DPY19L2: variants seen among roughly 807,000 people sequenced by gnomAD.
DPY19L2 encodes probable C-mannosyltransferase DPY19L2.
In DPY19L2, 34 loss-of-function variants were observed where a neutral mutation model predicts 97.9. That is an observed-to-expected ratio of 0.35 (90% CI 0.26 to 0.46). DPY19L2 has a LOEUF of 0.46. DPY19L2 is among the 20% of genes least tolerant of loss of function. DPY19L2 has a pLI of 1.00. For missense variants in DPY19L2, 623 were observed against 911.4 expected, an observed-to-expected ratio of 0.68 and a Z score of 4.07; for synonymous variants, 230 against 307.9, an observed-to-expected ratio of 0.75 and a Z score of 2.65.
intron 6 of DPY19L2, among the ~76,000 whole-genome samples, chr12:63,628,766 T>C (rs887759419): frequency 1.1e-4 from 17 of 151,128 alleles, no homozygotes; most frequent in Non-Finnish European, 2.5e-4. Flanking sequence ...ACAGGCTGCC[T>C]GCTCAAGTGG....
intron 4 of DPY19L2, 154 bp downstream of exon 4, chr12:63,661,190 A>C: frequency 1.5e-6 from 1 of 681,734 alleles, no homozygotes; most frequent in South Asian, 4.7e-5. Context: ...AAATTTTAAG[A>C]GAGGAACTTA....
intron 21 of DPY19L2, among the ~76,000 whole-genome samples, chr12:63,564,890 T>C (rs1433521008): frequency 1.3e-5 from 2 of 152,196 alleles, no homozygotes; most frequent in African/African-American, 4.8e-5. Context: ...GTATTTCATA[T>C]TTTTGAAGCT....
At chr12:63,588,835 C>G (rs754655452) in intron 16 of DPY19L2, among the ~76,000 whole-genome samples, 129 of 148,814 alleles carry the variant, frequency 8.7e-4, no homozygotes, top group Non-Finnish European at 1.3e-3. Flanking sequence ...CTCACTGAAA[C>G]CTCCGCCTCC....
chr12:63,630,977 T>C (rs1172534290), intron 6 of DPY19L2, among the ~76,000 whole-genome samples: 1 of 151,898 alleles, frequency 6.6e-6, no homozygotes, highest in Non-Finnish European at 1.5e-5. Context: ...ACCGGGTACA[T>C]AACAAAATGA....
intron 15 of DPY19L2, among the ~76,000 whole-genome samples, chr12:63,595,006 C>T (rs2137514199): frequency 6.6e-6 from 1 of 152,282 alleles, no homozygotes; most frequent in East Asian, 1.9e-4. Flanking sequence ...TTTCCTTTAT[C>T]CTGACTCTTC....
chr12:63,668,549 G>T, upstream of DPY19L2: 1 of 785,888 alleles, frequency 1.3e-6, no homozygotes, highest in Non-Finnish European at 2.0e-6. Flanking sequence ...GAAATGTGGG[G>T]TGGGGCGCAT....
At position 63,668,400 on chromosome 12, in the gene DPY19L2, G is replaced by T. The variant is rs751378390; in HGVS notation, c.-7C>A. 3 of 1,594,376 alleles carry T rather than the reference G, an allele frequency of 1.9e-6. No homozygotes were observed. Among genetic ancestry groups the T allele is most frequent in the Admixed American group, 1.7e-5 (1 of 57,464 alleles). ...TTACTCCTTGTTTTCTCATAATCAAGGAGTATGGTGGAGCTGGGTCAATTT... is the reference window on the plus strand; with the variant it reads ...TTACTCCTTGTTTTCTCATAATCAATGAGTATGGTGGAGCTGGGTCAATTT... On this transcript the variant is annotated 5_prime_UTR_variant, in exon 1 of 22. Coordinates refer to ENST00000324472, the MANE Select transcript of DPY19L2 (RefSeq NM_173812.5).
At chr12:63,624,637 C>T (rs1244591065) in intron 7 of DPY19L2, among the ~76,000 whole-genome samples, 9 of 151,950 alleles carry the variant, frequency 5.9e-5, no homozygotes, top group Admixed American at 5.2e-4. Flanking sequence ...TAAAATGTAC[C>T]GTAAAAAAAG....
intron 19 of DPY19L2, among the ~76,000 whole-genome samples, chr12:63,579,121 A>G (rs1880419675): frequency 6.6e-6 from 1 of 152,158 alleles, no homozygotes; most frequent in African/African-American, 2.4e-5. Flanking sequence ...TTGGCTGTGA[A>G]GTAAATGAGC....
At chr12:63,645,132 A>G (rs1218886394) in intron 5 of DPY19L2, among the ~76,000 whole-genome samples, 1 of 152,094 alleles carries the variant, frequency 6.6e-6, no homozygotes, top group Non-Finnish European at 1.5e-5. Context: ...ATCATCCCAC[A>G]CTTTTCTCAG....
At chr12:63,563,514 C>T (rs2942648) in intron 21 of DPY19L2, among the ~76,000 whole-genome samples, 9 of 152,244 alleles carry the variant, frequency 5.9e-5, no homozygotes, top group East Asian at 1.9e-4. Context: ...CTATGATGCG[C>T]GATGATGCGG....
intron 3 of DPY19L2, among the ~76,000 whole-genome samples, chr12:63,662,428 T>C (rs535308638): frequency 3.9e-5 from 6 of 152,056 alleles, no homozygotes; most frequent in African/African-American, 1.2e-4. Context: ...CTTAGGAGGA[T>C]AACAAAGCAA....
chr12:63,560,835 TA>T (rs1440400126), intron 21 of DPY19L2, among the ~76,000 whole-genome samples, 173 bp from the exon 22 acceptor site: 1 of 152,204 alleles, frequency 6.6e-6, no homozygotes, highest in African/African-American at 2.4e-5. Flanking sequence ...AGAATGAAAT[TA>T]AGCATGTTGC....
At chr12:63,639,702 C>G (rs1008100883) in intron 6 of DPY19L2, among the ~76,000 whole-genome samples, 2 of 152,152 alleles carry the variant, frequency 1.3e-5, no homozygotes, top group African/African-American at 4.8e-5. Flanking sequence ...CAGGAAACAA[C>G]AGGTGCCGGA....
intron 21 of DPY19L2, among the ~76,000 whole-genome samples, chr12:63,565,038 C>T (rs1877383570): frequency 6.6e-6 from 1 of 152,106 alleles, no homozygotes; most frequent in African/African-American, 2.4e-5. Context: ...ACAGTCACAC[C>T]AGCTTTCACT....
chr12:63,598,510 A>C (rs1884628914), intron 13 of DPY19L2, among the ~76,000 whole-genome samples: 1 of 152,142 alleles, frequency 6.6e-6, no homozygotes, highest in Admixed American at 6.5e-5. Context: ...CCCAATGCAG[A>C]ACTTCTATTT....
intron 11 of DPY19L2, among the ~76,000 whole-genome samples, chr12:63,610,973 A>T (rs527389624): frequency 6.6e-6 from 1 of 151,854 alleles, no homozygotes; most frequent in South Asian, 2.1e-4. Context: ...GGTATTTAAA[A>T]TGATGTTCAA....
At position 63,570,714 on chromosome 12, in the gene DPY19L2, G is replaced by T. The variant is rs768388171; in HGVS notation, c.2000+44C>A. 3 of 1,588,286 alleles carry T rather than the reference G, an allele frequency of 1.9e-6. No individual in the cohort carries two copies. In the South Asian group the frequency reaches 3.4e-5, roughly 18 times the overall value. ...AATTTTCCCAATTCCTAAGAATTGG[G>T]AGTTGCCAAGTGAGTCTTGAAGAAA... is the stretch of plus-strand genomic sequence containing the variant. On this transcript the variant is annotated intron_variant, in intron 20 of 21. Coordinates refer to ENST00000324472, the MANE Select transcript of DPY19L2 (RefSeq NM_173812.5).
intron 2 of DPY19L2, among the ~76,000 whole-genome samples, chr12:63,664,331 T>A (rs1896066600): frequency 6.7e-6 from 1 of 150,112 alleles, no homozygotes; most frequent in African/African-American, 2.4e-5. Flanking sequence ...AGTGAGACTC[T>A]GTCTTAAAAA....
Sources: allele counts gnomAD v4.1 joint callset (sites outside exome capture counted in the v4.1 genomes callset), GRCh38; gene constraint gnomAD v4.1.1; transcripts MANE v1.5; gene names NCBI Gene and HGNC (gene_info 2026-07-23, HGNC 2026-07-21).